The following CREB5 variants were observed in gnomAD, a reference collection of about 807,000 sequenced individuals.
The protein encoded by CREB5 is cyclic AMP-responsive element-binding protein 5.
A neutral mutation model predicts 57.1 loss-of-function variants in CREB5; 19 were observed. That is an observed-to-expected ratio of 0.33 (90% CI 0.23 to 0.49). The LOEUF (loss-of-function observed/expected upper bound fraction) is 0.49. Among genes scored for constraint, CREB5 ranks in the 20% least tolerant of loss-of-function variants. CREB5 has a pLI of 0.99. For synonymous variants in CREB5, 238 were observed against 238.3 expected, an observed-to-expected ratio of 1.00 and a Z score of 0.01; for missense variants, 579 against 671.6, an observed-to-expected ratio of 0.86 and a Z score of 1.52.
At chr7:28,332,754 A>T (rs1785740978) in intron 1 of CREB5, among the ~76,000 whole-genome samples, 1 of 152,128 alleles carries the variant, frequency 6.6e-6, no homozygotes, top group African/African-American at 2.4e-5. Context: ...TCCCTCACTA[A>T]CTAACTTATC....
intron 1 of CREB5, among the ~76,000 whole-genome samples, chr7:28,355,914 C>G (rs1019408186): frequency 1.6e-4 from 25 of 152,178 alleles, no homozygotes; most frequent in Admixed American, 7.2e-4. Flanking sequence ...ATGCTACTTT[C>G]TGAAGAAACG....
In CREB5 at chr7:28,821,291, G is replaced by A. The variant is rs147299391; in HGVS notation, c.*2012G>A. 2 of 151,944 alleles carry A rather than the reference G, an allele frequency of 1.3e-5. No homozygotes were observed. The highest frequency in any genetic ancestry group is 3.9e-4 in the East Asian group (2 of 5,176). 9.4% of individuals were successfully genotyped at this position (151,944 alleles called of 1,614,324 possible). ...TTGGAGAAAAAAAGAAAATATGAGG[G>A]TCTCGAAGCATGATTTTTATATAAC... On this transcript the variant is annotated 3_prime_UTR_variant, in exon 11 of 11. Transcript: ENST00000357727.
chr7:28,746,091 AC>A (rs1804667890), intron 7 of CREB5, among the ~76,000 whole-genome samples: 1 of 152,160 alleles, frequency 6.6e-6, no homozygotes, highest in Admixed American at 6.5e-5. Flanking sequence ...CTTCCATCTG[AC>A]TATTCAAAAT....
chr7:28,776,738 C>CTT (rs1806676248), intron 7 of CREB5, among the ~76,000 whole-genome samples: 1 of 152,222 alleles, frequency 6.6e-6, no homozygotes, highest in Non-Finnish European at 1.5e-5. Context: ...GAGTAATCTA[C>CTT]TTTCTGTCTC....
intron 5 of CREB5, among the ~76,000 whole-genome samples, chr7:28,576,005 G>A (rs545341146): frequency 6.6e-6 from 1 of 152,332 alleles, no homozygotes; most frequent in Admixed American, 6.5e-5. Context: ...TCAGATGAAG[G>A]GGGTAGAGCC....
intron 7 of CREB5, among the ~76,000 whole-genome samples, chr7:28,801,957 C>T (rs1446769739): frequency 5.9e-5 from 9 of 151,366 alleles, no homozygotes; most frequent in Admixed American, 6.6e-5. Flanking sequence ...TGGTGGCACA[C>T]GCCTGTAGTC....
At chr7:28,478,765 A>G (rs958796148) in intron 1 of CREB5, among the ~76,000 whole-genome samples, 1 of 152,136 alleles carries the variant, frequency 6.6e-6, no homozygotes, top group Non-Finnish European at 1.5e-5. Context: ...AGTTATCTGG[A>G]CAGTGGGAGC....
rs372113963 is a variant in CREB5 at position 28,754,869 on chromosome 7, T to C, written c.702+30537T>C. ...CAAGATATGGGTACTACGCCTTTGCTTGTATCTGCCTTGGAAGGTGCCATG... is the reference window on the plus strand; with the variant it reads ...CAAGATATGGGTACTACGCCTTTGCCTGTATCTGCCTTGGAAGGTGCCATG... On this transcript the variant is annotated intron_variant, in intron 7 of 10. Coordinates refer to ENST00000357727, the MANE Select transcript of CREB5 (RefSeq NM_182898.4). Among the ~76,000 whole-genome samples, 13 of 152,340 alleles carry C rather than the reference T, an allele frequency of 8.5e-5. No individual in the cohort carries two copies. In the South Asian group the frequency reaches 2.5e-3, roughly 29 times the overall value.
At chr7:28,310,671 C>T (rs1352173287) in intron 1 of CREB5, among the ~76,000 whole-genome samples, 1 of 152,286 alleles carries the variant, frequency 6.6e-6, no homozygotes, top group South Asian at 2.1e-4. Context: ...AGTATGTTTA[C>T]CTAATTGTTA....
intron 7 of CREB5, among the ~76,000 whole-genome samples, chr7:28,769,583 A>C (rs1229869023): frequency 6.6e-6 from 1 of 152,222 alleles, no homozygotes; most frequent in Non-Finnish European, 1.5e-5. Flanking sequence ...TGTCTTGTTG[A>C]TGCTTTGAAA....
intron 1 of CREB5, among the ~76,000 whole-genome samples, chr7:28,306,156 T>C (rs912137146): frequency 6.6e-6 from 1 of 152,200 alleles, no homozygotes; most frequent in Admixed American, 6.5e-5. Flanking sequence ...GCGTCCATAA[T>C]TGTAACACTT....
intron 7 of CREB5, among the ~76,000 whole-genome samples, chr7:28,773,236 G>C (rs1806434190): frequency 6.6e-6 from 1 of 151,820 alleles, no homozygotes; most frequent in Non-Finnish European, 1.5e-5. Context: ...CTATTGCCAG[G>C]ATCTTTTGTG....
chr7:28,422,526 G>A lies in CREB5; in HGVS notation c.3+9609G>A, dbSNP rs140755721. Among the ~76,000 whole-genome samples the A allele has an allele frequency of 6.6e-5, 10 of 152,184 alleles. No homozygotes were observed. In the East Asian group the frequency reaches 1.9e-3, roughly 29 times the overall value. On this transcript the variant is annotated intron_variant, in intron 1 of 10. Transcript: ENST00000357727. ...CAGTTTTCATAAAAATAACATATAG[G>A]CAAATATTCATGAGAAGGTTCATGG...
At chr7:28,729,049 T>C (rs574502963) in intron 7 of CREB5, among the ~76,000 whole-genome samples, 3 of 152,224 alleles carry the variant, frequency 2.0e-5, no homozygotes, top group Non-Finnish European at 4.4e-5. Context: ...ATTTTGATCA[T>C]TTATTGTCAA....
intron 1 of CREB5, among the ~76,000 whole-genome samples, chr7:28,392,325 C>T (rs1787234976): frequency 6.6e-6 from 1 of 152,140 alleles, no homozygotes; most frequent in African/African-American, 2.4e-5. Flanking sequence ...GCATGCTTCT[C>T]ACCATTCTTG....
intron 1 of CREB5, among the ~76,000 whole-genome samples, chr7:28,306,191 A>C (rs35679392): frequency 0.62 from 94,769 of 152,130 alleles, 31,293 homozygotes; most frequent in East Asian, 0.96. Context: ...GGGTAGGCAG[A>C]AACCCACAGA....
intron 4 of CREB5, among the ~76,000 whole-genome samples, chr7:28,537,916 C>T (rs542871218): frequency 2.4e-4 from 36 of 152,290 alleles, no homozygotes; most frequent in Middle Eastern, 3.4e-3. Flanking sequence ...AGACCTTTCA[C>T]TAGTAATTCT....
At chr7:28,547,459 G>T (rs1301585017) in intron 4 of CREB5, among the ~76,000 whole-genome samples, 1 of 152,200 alleles carries the variant, frequency 6.6e-6, no homozygotes, top group Non-Finnish European at 1.5e-5. Flanking sequence ...TTTCTATGTT[G>T]CAGTCTTGAG....
chr7:28,509,932 C>T (rs967783442), intron 4 of CREB5, among the ~76,000 whole-genome samples: 1 of 152,180 alleles, frequency 6.6e-6, no homozygotes, highest in African/African-American at 2.4e-5. Context: ...GCTGTTGAGG[C>T]TTCTTCTTCC....
Sources: allele counts gnomAD v4.1 joint callset (sites outside exome capture counted in the v4.1 genomes callset), GRCh38; gene constraint gnomAD v4.1.1; transcripts MANE v1.5; gene names NCBI Gene and HGNC (gene_info 2026-07-23, HGNC 2026-07-21).